RANBP2: variants seen among roughly 807,000 people sequenced by gnomAD.
RANBP2 encodes RAN binding protein 2.
RANBP2 carries 57 observed loss-of-function variants against 303.6 expected under a neutral mutation model. The observed-to-expected ratio is 0.19, with a 90% CI of 0.15 to 0.23. RANBP2 has a LOEUF of 0.23. RANBP2 is among the 10% of genes least tolerant of loss of function. The pLI is 1.00. For synonymous variants in RANBP2, 1,167 were observed against 1,301.5 expected, an observed-to-expected ratio of 0.90 and a Z score of 2.23; for missense variants, 3,138 against 3,780.8, an observed-to-expected ratio of 0.83 and a Z score of 4.46.
At chr2:109,657,802 C>T in the RANBP2 span, among the ~76,000 whole-genome samples, 1 of 145,886 alleles carries the variant, frequency 6.9e-6, no homozygotes, top group Admixed American at 7.0e-5. Context: ...TCACTGCAAC[C>T]TCCTCCTCCT....
At chr2:109,366,097 T>C in the RANBP2 span, among the ~76,000 whole-genome samples, 1 of 152,212 alleles carries the variant, frequency 6.6e-6, no homozygotes, top group Admixed American at 6.5e-5. Context: ...AATATAAAAG[T>C]GTTCCACCTC....
At chr2:108,788,018 C>CTTT (rs5833305), downstream of RANBP2, 81 of 1,259,696 alleles carry the variant, frequency 6.4e-5, no homozygotes, top group South Asian at 5.5e-4. Flanking sequence ...TAAATCTTTT[C>CTTT]TTTTTTTTTT....
chr2:109,177,693 A>G, the RANBP2 span, among the ~76,000 whole-genome samples: 1 of 152,200 alleles, frequency 6.6e-6, no homozygotes, highest in Non-Finnish European at 1.5e-5. Flanking sequence ...AGTAATCTAA[A>G]AACTCTGAAT....
At chr2:109,600,388 T>G in the RANBP2 span, among the ~76,000 whole-genome samples, 1 of 152,098 alleles carries the variant, frequency 6.6e-6, no homozygotes, top group African/African-American at 2.4e-5. Context: ...TCCACCCAAC[T>G]CACCTGTATA....
the RANBP2 span, among the ~76,000 whole-genome samples, chr2:109,421,399 A>G: frequency 6.6e-6 from 1 of 152,226 alleles, no homozygotes; most frequent in African/African-American, 2.4e-5. Context: ...AGGGCTCCCC[A>G]GCTTGAGGCG....
the RANBP2 span, among the ~76,000 whole-genome samples, chr2:109,500,977 A>T: frequency 6.6e-6 from 1 of 152,170 alleles, no homozygotes; most frequent in Non-Finnish European, 1.5e-5. Flanking sequence ...TTACATAAAC[A>T]ATGTTCCAAG....
At chr2:108,853,840 AATATAT>A in the RANBP2 span, among the ~76,000 whole-genome samples, 7 of 133,694 alleles carry the variant, frequency 5.2e-5, no homozygotes, top group Non-Finnish European at 4.6e-5. Flanking sequence ...TTCTATATGC[AATATAT>A]ATATACTATA....
rs554245982 is a variant in RANBP2 at position 108,751,979 on chromosome 2, A to G, written c.1740A>G (p.Glu580=). The part of the protein sequence containing the change: ...LQPALLVHWA[E]CLQKTGSGLN... ...CTGCTCTGCTTGTACATTGGGCAGA[A>G]TGCCTTCAGAAAACGGTGAGTTTTA... Residue 580 remains glutamate, a synonymous_variant, in exon 12 of 29, where the codon GAA becomes GAG. Coordinates refer to ENST00000283195, the MANE Select transcript of RANBP2 (RefSeq NM_006267.5). 6.4e-5 allele frequency: 103 copies of G among 1,612,010 alleles called. 1 individual carries two copies. The highest frequency in any genetic ancestry group is 6.8e-6 in the Non-Finnish European group (8 of 1,179,850).
At chr2:109,758,430 T>G in the RANBP2 span, among the ~76,000 whole-genome samples, 15 of 132,158 alleles carry the variant, frequency 1.1e-4, no homozygotes, top group Non-Finnish European at 2.2e-4. Context: ...AAAAAAATCC[T>G]CACAATAAGT....
the RANBP2 span, among the ~76,000 whole-genome samples, chr2:109,563,056 G>A: frequency 3.9e-5 from 6 of 151,996 alleles, no homozygotes; most frequent in African/African-American, 1.5e-4. Context: ...TTTTACAGAA[G>A]TGTGCCACCA....
chr2:109,674,162 G>C, the RANBP2 span, among the ~76,000 whole-genome samples: 1 of 151,980 alleles, frequency 6.6e-6, no homozygotes, highest in East Asian at 1.9e-4. Flanking sequence ...CTTGATGCCA[G>C]CTTCTTATTT....
At chr2:109,724,598 A>G in the RANBP2 span, among the ~76,000 whole-genome samples, 5 of 152,170 alleles carry the variant, frequency 3.3e-5, no homozygotes, top group Non-Finnish European at 7.3e-5. Context: ...TTAAAAGCCA[A>G]ACCCCAAGGG....
chr2:108,788,124 AAATTT>A, downstream of RANBP2: 1 of 1,591,496 alleles, frequency 6.3e-7, no homozygotes, highest in South Asian at 1.1e-5. Flanking sequence ...GGGGTTTCAA[AAATTT>A]AATTTGAGGC....
the RANBP2 span, among the ~76,000 whole-genome samples, chr2:109,384,200 C>T: frequency 4.1e-3 from 626 of 152,286 alleles, 8 homozygotes; most frequent in African/African-American, 0.015. Context: ...CGGCTGCGGG[C>T]CAGGCCCCGG....
the RANBP2 span, among the ~76,000 whole-genome samples, chr2:108,913,864 G>A: frequency 1.3e-5 from 2 of 150,994 alleles, no homozygotes; most frequent in African/African-American, 4.9e-5. Flanking sequence ...GCAGGAGAAT[G>A]GCGTGAACCC....
the RANBP2 span, chr2:109,553,030 C>T: frequency 6.4e-7 from 1 of 1,573,502 alleles, no homozygotes; most frequent in Non-Finnish European, 8.6e-7. Context: ...ATAAATCCTC[C>T]AAATTAATAG....
At chr2:109,285,773 G>T in the RANBP2 span, among the ~76,000 whole-genome samples, 154 of 152,336 alleles carry the variant, frequency 1.0e-3, 2 homozygotes, top group African/African-American at 3.6e-3. Flanking sequence ...TCCAGACCTG[G>T]CAGGGTGTGA....
At chr2:109,041,267 G>T in the RANBP2 span, among the ~76,000 whole-genome samples, 1 of 152,010 alleles carries the variant, frequency 6.6e-6, no homozygotes, top group African/African-American at 2.4e-5. Flanking sequence ...CAAAGATAAT[G>T]GTAGTTTCTT....
chr2:109,354,381 A>G, the RANBP2 span, among the ~76,000 whole-genome samples: 1 of 152,204 alleles, frequency 6.6e-6, no homozygotes, highest in Non-Finnish European at 1.5e-5. Flanking sequence ...ACTCGACTGC[A>G]TGTGAGCCAG....
Sources: gnomAD v4.1 joint callset for allele counts (sites outside exome capture counted in the v4.1 genomes callset) on GRCh38, gnomAD v4.1.1 for gene constraint, MANE v1.5 for transcripts, NCBI Gene and HGNC (gene_info 2026-07-23, HGNC 2026-07-21) for gene names.